HIVEP3: variants seen among roughly 807,000 people sequenced by gnomAD.
The protein encoded by HIVEP3 is HIVEP zinc finger 3.
In HIVEP3, 49 loss-of-function variants were observed where a neutral mutation model predicts 152.8. That is an observed-to-expected ratio of 0.32 (90% confidence interval 0.26 to 0.41). The LOEUF is 0.41. Ranked by LOEUF, HIVEP3 falls within the 10% of genes least tolerant of loss-of-function variation. The probability of loss-of-function intolerance (pLI) is 1.00; values close to 1 mark genes in which losing one functional copy is unlikely to be tolerated. For synonymous variants in HIVEP3, 1,269 were observed against 1,289.0 expected (o/e 0.98, Z 0.33); for missense variants, 2,790 against 3,103.3 (o/e 0.90, Z 2.40).
intron 1 of HIVEP3, among the ~76,000 whole-genome samples, chr1:41,902,049 G>A (rs910823100): frequency 6.6e-6 from 1 of 152,068 alleles, no homozygotes; most frequent in Non-Finnish European, 1.5e-5. Context: ...TGAGGAGGGG[G>A]AGAGCTGCAA....
chr1:41,992,286 C>G (rs1645366867), intron 1 of HIVEP3, among the ~76,000 whole-genome samples: 1 of 152,094 alleles, frequency 6.6e-6, no homozygotes, highest in Non-Finnish European at 1.5e-5. Flanking sequence ...AAGCGATAAG[C>G]AACTTCAGCA....
At chr1:41,565,520 A>G (rs1644147243) in intron 5 of HIVEP3, among the ~76,000 whole-genome samples, 1 of 137,722 alleles carries the variant, frequency 7.3e-6, no homozygotes, top group Non-Finnish European at 1.6e-5. Context: ...TTTGATAAAA[A>G]CTGAAAGACA....
intron 1 of HIVEP3, among the ~76,000 whole-genome samples, chr1:41,956,269 G>A (rs189038567): frequency 1.8e-4 from 27 of 152,338 alleles, no homozygotes; most frequent in Admixed American, 1.7e-3. Context: ...AGGAACATAA[G>A]CACACACTGG....
intron 1 of HIVEP3, among the ~76,000 whole-genome samples, chr1:41,964,982 G>C (rs2124500237): frequency 6.6e-6 from 1 of 152,272 alleles, no homozygotes; most frequent in South Asian, 2.1e-4. Context: ...CCTCAACAGG[G>C]GTCACCAGAC....
chr1:41,645,102 G>A (rs545767563), intron 2 of HIVEP3, among the ~76,000 whole-genome samples: 1 of 152,208 alleles, frequency 6.6e-6, no homozygotes, highest in African/African-American at 2.4e-5. Context: ...GCTTTGTCCA[G>A]GCAGAGAATC....
chr1:41,633,441 A>G (rs910586361), intron 2 of HIVEP3, among the ~76,000 whole-genome samples: 1 of 152,054 alleles, frequency 6.6e-6, no homozygotes, highest in Non-Finnish European at 1.5e-5. Context: ...ATCCCCCCCA[A>G]AAAGAGTGGA....
chr1:41,536,294 C>T lies in HIVEP3; in HGVS notation c.5208-11384G>A, dbSNP rs115217265. On this transcript the variant is annotated intron_variant, in intron 5 of 8. Transcript: ENST00000372583. ...GTAGAATAGCATTATTCTACTACTC[C>T]TAGCTAGTGGGAGGGAATTCATGAC... 3.4e-3 allele frequency among the ~76,000 whole-genome samples: 515 copies of T among 152,220 alleles called. 3 individuals carry two copies. Among genetic ancestry groups the T allele is most frequent in the African/African-American group, 0.011 (477 of 41,516 alleles).
intron 5 of HIVEP3, among the ~76,000 whole-genome samples, chr1:41,530,061 C>T (rs1233099441): frequency 1.3e-5 from 2 of 152,022 alleles, no homozygotes; most frequent in Admixed American, 6.5e-5. Context: ...GCACACTCAC[C>T]CTCACCTCAC....
At chr1:41,716,404 T>TC (rs1245245647) in intron 1 of HIVEP3, among the ~76,000 whole-genome samples, 2 of 151,838 alleles carry the variant, frequency 1.3e-5, no homozygotes, top group Non-Finnish European at 2.9e-5. Flanking sequence ...ACCCAAGCTC[T>TC]CCCCCCATCA....
In HIVEP3 at chr1:41,582,337, C is replaced by T; in HGVS notation, c.2461G>A (p.Glu821Lys). Residue 821 changes from glutamate (E) to lysine (K), a missense_variant, in exon 4 of 9, where the codon GAA (glutamate) becomes AAA (lysine). This residue lies in a region of HIVEP3 where 1,078 missense variants were observed against 1,165.3 expected (regional missense o/e 0.93). Coordinates refer to ENST00000372583, the MANE Select transcript of HIVEP3 (RefSeq NM_024503.5). The surrounding 1 kb of genome is among the most constrained non-coding windows in gnomAD (Gnocchi z 4.7). ...GGGAACTGGGCCAGAGGTTTGTCTT[C>T]CCCTTCCAAGCCACTCGGCTGCTCG... ...SLEQPSGLEG[E>K]DKPLAQFPSP... The T allele has an allele frequency of 6.8e-6, 11 of 1,614,082 alleles. No homozygotes were observed. The highest frequency in any genetic ancestry group is 9.3e-6 in the Non-Finnish European group (11 of 1,179,948).
intron 1 of HIVEP3, among the ~76,000 whole-genome samples, chr1:41,942,899 C>CTT (rs540459792): frequency 6.7e-6 from 1 of 148,674 alleles, no homozygotes; most frequent in African/African-American, 2.5e-5. Flanking sequence ...TTTATATTTT[C>CTT]TTTTTTTTTT....
intron 1 of HIVEP3, among the ~76,000 whole-genome samples, chr1:41,980,437 G>GA (rs1337426136): frequency 6.6e-6 from 1 of 152,018 alleles, no homozygotes; most frequent in Non-Finnish European, 1.5e-5. Flanking sequence ...CTACTAAGTG[G>GA]AAAAAAAGAG....
At chr1:41,634,318 T>G (rs1442335799) in intron 2 of HIVEP3, among the ~76,000 whole-genome samples, 2 of 152,210 alleles carry the variant, frequency 1.3e-5, no homozygotes, top group Non-Finnish European at 2.9e-5. Context: ...TATTTAATTC[T>G]TGACATCAAT....
chr1:41,645,217 T>C (rs6696511), intron 2 of HIVEP3, among the ~76,000 whole-genome samples: 104,169 of 152,160 alleles, frequency 0.68, 36,322 homozygotes, highest in East Asian at 0.9. Context: ...GGCAATGCCT[T>C]GTTCCTCTTG....
chr1:41,807,754 C>A (rs1558287242), intron 1 of HIVEP3, among the ~76,000 whole-genome samples: 2 of 152,140 alleles, frequency 1.3e-5, no homozygotes, highest in Non-Finnish European at 2.9e-5. Context: ...GCCAATTAAC[C>A]CCATCTGGGG....
chr1:41,708,812 G>T (rs1456573558), intron 1 of HIVEP3, among the ~76,000 whole-genome samples: 1 of 152,200 alleles, frequency 6.6e-6, no homozygotes, highest in Non-Finnish European at 1.5e-5. Flanking sequence ...AAAACTTCAA[G>T]TCAAGTACTA....
chr1:42,014,527 C>T (rs1366130116), intron 1 of HIVEP3, among the ~76,000 whole-genome samples: 1 of 152,124 alleles, frequency 6.6e-6, no homozygotes, highest in African/African-American at 2.4e-5. Context: ...CAACAATATC[C>T]ACATCCTGAG....
At chr1:41,899,937 A>T (rs903273210) in intron 1 of HIVEP3, among the ~76,000 whole-genome samples, 3 of 152,208 alleles carry the variant, frequency 2.0e-5, no homozygotes, top group Non-Finnish European at 4.4e-5. Flanking sequence ...TTCTCAGGCC[A>T]TGATCTTCTC....
At position 41,580,548 on chromosome 1, in the gene HIVEP3, C is replaced by T. The variant is rs1393084596; in HGVS notation, c.4250G>A (p.Ser1417Asn). Residue 1417 changes from serine to asparagine, a missense_variant, in exon 4 of 9, where the codon AGC (serine) becomes AAC (asparagine). By Grantham distance (46) the Ser-to-Asn change is conservative. Coordinates refer to ENST00000372583, the MANE Select transcript of HIVEP3 (RefSeq NM_024503.5). ...GTSLSSESIL[S>N]LEGSSSTAGG... Reference sequence around the variant, plus strand: ...TGCTGTTGATGAACTCCCCTCCAGGCTCAAGATACTCTCTGATGACAGGGA... The same window carrying T: ...TGCTGTTGATGAACTCCCCTCCAGGTTCAAGATACTCTCTGATGACAGGGA... The T allele has an allele frequency of 1.2e-6, 2 of 1,614,216 alleles. No individual in the cohort carries two copies. Among genetic ancestry groups the T allele is most frequent in the South Asian group, 2.2e-5 (2 of 91,084 alleles).
Sources: allele counts gnomAD v4.1 joint callset (sites outside exome capture counted in the v4.1 genomes callset), GRCh38; gene constraint gnomAD v4.1.1; regional missense constraint gnomAD v4.1.1; non-coding constraint Gnocchi (gnomAD v3.1); transcripts MANE v1.5; gene names NCBI Gene and HGNC (gene_info 2026-07-23, HGNC 2026-07-21).